The following FMNL2 variants were observed in gnomAD, a reference collection of about 807,000 sequenced individuals.
FMNL2 encodes the protein formin like 2.
Under a neutral mutation model 130.2 loss-of-function variants are expected in FMNL2, and 51 were observed. That is an observed-to-expected ratio of 0.39 (90% CI 0.31 to 0.49). The LOEUF (loss-of-function observed/expected upper bound fraction) is 0.49, where lower values mean the gene tolerates loss of function less well. Ranked by LOEUF, FMNL2 falls within the 20% of genes least tolerant of loss-of-function variation. The pLI is 0.85. For missense variants in FMNL2, 977 were observed against 1,316.2 expected (o/e 0.74, Z 3.99); for synonymous variants, 465 against 467.1 (o/e 1.00, Z 0.06).
At chr2:152,411,726 A>G (rs1241128702) in intron 1 of FMNL2, among the ~76,000 whole-genome samples, 4 of 152,200 alleles carry the variant, frequency 2.6e-5, no homozygotes, top group Non-Finnish European at 5.9e-5. Flanking sequence ...ATTAAATCTT[A>G]GCAAATTCCT....
intron 1 of FMNL2, among the ~76,000 whole-genome samples, chr2:152,492,428 T>C (rs1057476248): frequency 9.2e-5 from 14 of 152,250 alleles, no homozygotes; most frequent in African/African-American, 3.4e-4. Context: ...TTCAATATTT[T>C]TGGCTTTGTC....
chr2:152,639,430 G>T (rs1682897993), intron 23 of FMNL2, among the ~76,000 whole-genome samples: 1 of 152,180 alleles, frequency 6.6e-6, no homozygotes, highest in Admixed American at 6.5e-5. Context: ...GCTGAGGTGA[G>T]CCTATTCACT....
intron 11 of FMNL2, among the ~76,000 whole-genome samples, chr2:152,612,426 G>T (rs1054563390): frequency 1.3e-5 from 2 of 152,252 alleles, no homozygotes; most frequent in East Asian, 1.9e-4. Context: ...AAGCTGAAGT[G>T]GGGGGATCAT....
chr2:152,468,186 C>T (rs896486013), intron 1 of FMNL2, among the ~76,000 whole-genome samples: 1 of 152,176 alleles, frequency 6.6e-6, no homozygotes, highest in Non-Finnish European at 1.5e-5. Context: ...TATTACAGCC[C>T]TTGAGGCCTT....
At chr2:152,574,434 C>CAAAAAAAAAAAAAAA (rs57776446) in intron 6 of FMNL2, among the ~76,000 whole-genome samples, 1 of 106,960 alleles carries the variant, frequency 9.3e-6, no homozygotes, top group Non-Finnish European at 1.9e-5. Flanking sequence ...GACTCTGTCT[C>CAAAAAAAAAAAAAAA]AAAAAAAAAA....
At chr2:152,560,862 G>A in intron 5 of FMNL2, 21 bp from the exon 6 acceptor site, 1 of 1,596,688 alleles carries the variant, frequency 6.3e-7, no homozygotes. Flanking sequence ...AGTCTTCAAT[G>A]GCATTTCTCT....
At chr2:152,412,297 CT>C (rs869190366) in intron 1 of FMNL2, among the ~76,000 whole-genome samples, 1 of 151,342 alleles carries the variant, frequency 6.6e-6, no homozygotes, top group African/African-American at 2.4e-5. Flanking sequence ...AAAAGATAGA[CT>C]TTTTCCCTAG....
chr2:152,628,809 G>C (rs1245725400), intron 18 of FMNL2, among the ~76,000 whole-genome samples: 5 of 152,136 alleles, frequency 3.3e-5, no homozygotes, highest in African/African-American at 1.2e-4. Flanking sequence ...AAGGACAGGG[G>C]ACAAAGAAAC....
At chr2:152,388,538 C>T (rs1215563501) in intron 1 of FMNL2, among the ~76,000 whole-genome samples, 2 of 152,132 alleles carry the variant, frequency 1.3e-5, no homozygotes, top group African/African-American at 4.8e-5. Flanking sequence ...CCACCGAGTC[C>T]CTCCCATGAC....
intron 1 of FMNL2, among the ~76,000 whole-genome samples, chr2:152,420,323 A>G (rs1363324900): frequency 6.6e-6 from 1 of 152,236 alleles, no homozygotes; most frequent in East Asian, 1.9e-4. Flanking sequence ...TGAGTTAAAA[A>G]GTGTTTTCTG....
intron 1 of FMNL2, among the ~76,000 whole-genome samples, chr2:152,337,754 T>C (rs1006969211): frequency 6.6e-6 from 1 of 152,126 alleles, no homozygotes; most frequent in Non-Finnish European, 1.5e-5. Context: ...CTGGGTGCAA[T>C]TCCTTTTAAA....
chr2:152,585,747 C>G (rs924631595), intron 9 of FMNL2, among the ~76,000 whole-genome samples: 1 of 152,162 alleles, frequency 6.6e-6, no homozygotes, highest in Non-Finnish European at 1.5e-5. Flanking sequence ...CTCAACCAGT[C>G]CCCACTTCAG....
At chr2:152,589,539 C>G (rs951862046) in intron 9 of FMNL2, among the ~76,000 whole-genome samples, 30 of 152,270 alleles carry the variant, frequency 2.0e-4, no homozygotes, top group African/African-American at 7.0e-4. Flanking sequence ...GAGACAGAGA[C>G]TGGTACTGTT....
intron 14 of FMNL2, 63 bp downstream of exon 14, chr2:152,619,221 A>G (rs982257970): frequency 1.3e-6 from 2 of 1,484,952 alleles, no homozygotes; most frequent in South Asian, 2.9e-5. Flanking sequence ...TCTTTTGCCA[A>G]CTGTCCACTT....
intron 1 of FMNL2, among the ~76,000 whole-genome samples, chr2:152,412,446 T>TTTTATA (rs1269957835): frequency 2.9e-5 from 3 of 103,210 alleles, no homozygotes; most frequent in South Asian, 6.5e-4. Flanking sequence ...TCTGTATATT[T>TTTTATA]TATATATATA....
intron 1 of FMNL2, among the ~76,000 whole-genome samples, chr2:152,480,206 A>G (rs985575855): frequency 1.3e-5 from 2 of 152,206 alleles, no homozygotes; most frequent in South Asian, 2.1e-4. Flanking sequence ...TCACACAGCA[A>G]CTACCTGTTG....
intron 6 of FMNL2, among the ~76,000 whole-genome samples, chr2:152,574,864 T>C (rs771922574): frequency 3.9e-5 from 6 of 152,154 alleles, no homozygotes; most frequent in Admixed American, 1.3e-4. Context: ...TTGGGTCTCA[T>C]TGGCTGTGTG....
chr2:152,370,682 T>A (rs1236258865), intron 1 of FMNL2, among the ~76,000 whole-genome samples: 1 of 152,164 alleles, frequency 6.6e-6, no homozygotes, highest in East Asian at 1.9e-4. Flanking sequence ...ACTTGAACCT[T>A]TGTGAAGGAC....
intron 6 of FMNL2, among the ~76,000 whole-genome samples, chr2:152,561,728 C>A (rs1025073260): frequency 3.3e-5 from 5 of 152,106 alleles, no homozygotes; most frequent in African/African-American, 1.2e-4. Flanking sequence ...CACCTGCCAC[C>A]ATGCCCAGCT....
Sources: allele counts gnomAD v4.1 joint callset (sites outside exome capture counted in the v4.1 genomes callset), GRCh38; gene constraint gnomAD v4.1.1; transcripts MANE v1.5; gene names NCBI Gene and HGNC (gene_info 2026-07-23, HGNC 2026-07-21).